The following COLEC11 variants were observed in gnomAD, a reference collection of about 807,000 sequenced individuals.
COLEC11 encodes the protein collectin subfamily member 11.
COLEC11 carries 20 observed loss-of-function variants against 27.3 expected under a neutral mutation model. The observed-to-expected ratio is 0.73, with a 90% CI of 0.51 to 1.06. The LOEUF is 1.06. Among genes scored for constraint, COLEC11 ranks in the 50% least tolerant of loss-of-function variants. The pLI is 0.00. For synonymous variants in COLEC11, 163 were observed against 154.7 expected (o/e 1.05, Z -0.40); for missense variants, 310 against 383.0 (o/e 0.81, Z 1.59).
intron 3 of COLEC11, among the ~76,000 whole-genome samples, chr2:3,620,649 A>T (rs2147907780): frequency 6.6e-6 from 1 of 151,688 alleles, no homozygotes; most frequent in East Asian, 1.9e-4. Flanking sequence ...GTTTATTTGT[A>T]ATCTTTATTT....
Position 3,613,891 on chromosome 2 carries a change from G to C in COLEC11, c.202+509G>C, listed in dbSNP as rs73914513. ...AAGTAGCTGCACAGTGCATGGCAGGGGTTAAATATATGGTGGCTATTATCT... is the reference window on the plus strand; with the variant it reads ...AAGTAGCTGCACAGTGCATGGCAGGCGTTAAATATATGGTGGCTATTATCT... On this transcript the variant is annotated intron_variant, in intron 3 of 6. Transcript: ENST00000349077. 6.7e-3 allele frequency among the ~76,000 whole-genome samples: 1,014 copies of C among 152,186 alleles called. 11 individuals carry two copies. The highest frequency in any genetic ancestry group is 0.023 in the African/African-American group (966 of 41,500).
chr2:3,627,052 G>C (rs555248306), intron 3 of COLEC11, among the ~76,000 whole-genome samples: 1 of 152,158 alleles, frequency 6.6e-6, no homozygotes, highest in Non-Finnish European at 1.5e-5. Flanking sequence ...TTTCTAGCTC[G>C]TTGCAGCGGG....
chr2:3,611,824 G>A (rs1412152269), intron 2 of COLEC11, among the ~76,000 whole-genome samples: 1 of 152,042 alleles, frequency 6.6e-6, no homozygotes, highest in Admixed American at 6.6e-5. Context: ...TTTGTGGAGG[G>A]ATCTGTAATC....
chr2:3,629,225 A>G (rs924341106), intron 3 of COLEC11, among the ~76,000 whole-genome samples: 2 of 152,222 alleles, frequency 1.3e-5, no homozygotes, highest in African/African-American at 4.8e-5. Flanking sequence ...AGGTTGTGGT[A>G]TGAAGTAGAG....
intron 2 of COLEC11, among the ~76,000 whole-genome samples, chr2:3,604,727 G>A (rs1662502850): frequency 6.6e-6 from 1 of 152,154 alleles, no homozygotes; most frequent in South Asian, 2.1e-4. Flanking sequence ...CTTGCTGGAA[G>A]GCACCTGGCT....
chr2:3,635,815 C>G (rs1402786253), intron 3 of COLEC11, among the ~76,000 whole-genome samples: 2 of 152,358 alleles, frequency 1.3e-5, no homozygotes, highest in African/African-American at 4.8e-5. Flanking sequence ...AGGAGAGCAG[C>G]CTGGGCCTCA....
rs574497501 is a variant in COLEC11, at chr2:3,621,143, T to C, written c.202+7761T>C. 7.2e-5 allele frequency among the ~76,000 whole-genome samples: 11 copies of C among 152,374 alleles called. No homozygotes were observed. The South Asian group carries it at 2.1e-3, about 29-fold the overall frequency. On this transcript the variant is annotated intron_variant, in intron 3 of 6. Coordinates refer to ENST00000349077, the MANE Select transcript of COLEC11 (RefSeq NM_024027.5). ...AGGTATTGAAGTCCCCTACTATTAGTGTATTCTATCTGTTTGCCCTTCAGA... is the reference window on the plus strand; with the variant it reads ...AGGTATTGAAGTCCCCTACTATTAGCGTATTCTATCTGTTTGCCCTTCAGA...
rs557325306 is a variant in COLEC11, at chr2:3,605,648, C to T, written c.130+1178C>T. The T allele has an allele frequency of 3.6e-5, 7 of 196,942 alleles. No individual in the cohort carries two copies. The South Asian group carries it at 4.8e-4, about 13-fold the overall frequency. 12.2% of individuals were successfully genotyped at this position (196,942 alleles called of 1,614,324 possible). A position where few individuals can be genotyped will look rare whatever the true frequency, so the allele number is the denominator to read the frequency against. ...CCTTTTGCAACCTGAATCCGGTCCG[C>T]CCCCTCCTCATCCGCGGTCCGCTTG... is the stretch of plus-strand genomic sequence containing the variant. On this transcript the variant is annotated intron_variant, in intron 2 of 6. Transcript: ENST00000349077.
chr2:3,635,365 C>A (rs578097336), intron 3 of COLEC11, among the ~76,000 whole-genome samples: 1 of 152,114 alleles, frequency 6.6e-6, no homozygotes, highest in Non-Finnish European at 1.5e-5. Context: ...GCCTGCTCTG[C>A]CCTTGGTCTC....
intron 3 of COLEC11, among the ~76,000 whole-genome samples, chr2:3,632,248 A>G (rs554846495): frequency 6.6e-6 from 1 of 152,326 alleles, no homozygotes; most frequent in Non-Finnish European, 1.5e-5. Context: ...ATCACGGGGC[A>G]CTGTGTTCTT....
intron 1 of COLEC11, among the ~76,000 whole-genome samples, chr2:3,595,508 A>G (rs978576078): frequency 6.6e-6 from 1 of 152,206 alleles, no homozygotes; most frequent in African/African-American, 2.4e-5. Context: ...TCCAAACCGC[A>G]GTGCAGTACC....
rs562061665 is a variant in COLEC11 at position 3,629,507 on chromosome 2, CAT to C, written c.203-8024_203-8023del. On this transcript the variant is annotated intron_variant, in intron 3 of 6. Transcript: ENST00000349077. Reference sequence around the variant, plus strand: ...ACATGCACTCATGCACACACGTGCACATAGATGTATGTGCATGTATAGTTGTA... The same window carrying C: ...ACATGCACTCATGCACACACGTGCACAGATGTATGTGCATGTATAGTTGTA... 1.6e-4 allele frequency among the ~76,000 whole-genome samples: 24 copies of C among 152,314 alleles called. 1 individual carries two copies. The South Asian group carries it at 4.6e-3, about 29-fold the overall frequency.
At chr2:3,604,286 C>T (rs1662458880) in intron 1 of COLEC11, 29 bp from the exon 2 acceptor site, 4 of 1,613,318 alleles carry the variant, frequency 2.5e-6, no homozygotes, top group East Asian at 4.5e-5. Flanking sequence ...TTGCAGTTCC[C>T]ATCACTGTTT....
intron 5 of COLEC11, among the ~76,000 whole-genome samples, chr2:3,642,645 C>T (rs1665954080): frequency 6.6e-6 from 1 of 152,206 alleles, no homozygotes; most frequent in Non-Finnish European, 1.5e-5. Context: ...AGTTCTGTAC[C>T]CCGGGCCCCT....
chr2:3,610,029 A>G (rs1342329906), intron 2 of COLEC11, among the ~76,000 whole-genome samples: 2 of 152,252 alleles, frequency 1.3e-5, no homozygotes, highest in Non-Finnish European at 2.9e-5. Context: ...GTCAGAAGCT[A>G]TCATGACAAA....
At chr2:3,637,782 C>G (rs1665540871) in intron 4 of COLEC11, among the ~76,000 whole-genome samples, 178 bp downstream of exon 4, 1 of 152,188 alleles carries the variant, frequency 6.6e-6, no homozygotes, top group African/African-American at 2.4e-5. Context: ...GAGCTAGTTG[C>G]TGGCTCTGTG....
At chr2:3,606,129 T>A in intron 2 of COLEC11, 1 of 1,550,602 alleles carries the variant, frequency 6.4e-7, no homozygotes, top group Non-Finnish European at 8.7e-7. Context: ...CCTTCAGCTT[T>A]AGGTTGGAAA....
chr2:3,612,830 A>C (rs1663323705), intron 2 of COLEC11, among the ~76,000 whole-genome samples: 1 of 152,128 alleles, frequency 6.6e-6, no homozygotes, highest in South Asian at 2.1e-4. Context: ...GCTGAGCAGG[A>C]GCCTGTGCCC....
intron 3 of COLEC11, among the ~76,000 whole-genome samples, chr2:3,635,583 G>GCAGTTGCTGGGCCGCTGTC (rs1193022718): frequency 6.6e-6 from 1 of 152,202 alleles, no homozygotes; most frequent in African/African-American, 2.4e-5. Flanking sequence ...CGCACGCACT[G>GCAGTTGCTGGGCCGCTGTC]CAGTTGCTGG....
Sources: allele counts gnomAD v4.1 joint callset (sites outside exome capture counted in the v4.1 genomes callset), GRCh38; gene constraint gnomAD v4.1.1; transcripts MANE v1.5; gene names NCBI Gene and HGNC (gene_info 2026-07-23, HGNC 2026-07-21).